The following PTPRD variants were observed in gnomAD, a reference collection of about 807,000 sequenced individuals.
PTPRD encodes receptor-type tyrosine-protein phosphatase delta.
In PTPRD, 34 loss-of-function variants were observed where a neutral mutation model predicts 214.5. That is an observed-to-expected ratio of 0.16 (90% confidence interval 0.12 to 0.21). The LOEUF is 0.21. Among genes scored for constraint, PTPRD ranks in the 10% least tolerant of loss-of-function variants. The probability of loss-of-function intolerance (pLI) is 1.00; values close to 1 mark genes in which losing one functional copy is unlikely to be tolerated. For missense variants in PTPRD, 2,545 were observed against 2,398.7 expected, an observed-to-expected ratio of 1.06 and a Z score of -1.27; for synonymous variants, 1,128 against 845.7, an observed-to-expected ratio of 1.33 and a Z score of -5.79.
chr9:8,536,210 A>C (rs1056692890), intron 14 of PTPRD, among the ~76,000 whole-genome samples: 6 of 151,936 alleles, frequency 3.9e-5, no homozygotes, highest in Non-Finnish European at 8.8e-5. Flanking sequence ...GCTATTCTTC[A>C]AATAAATCTT....
intron 2 of PTPRD, among the ~76,000 whole-genome samples, chr9:10,570,386 T>C (rs891845732): frequency 6.6e-6 from 1 of 152,150 alleles, no homozygotes; most frequent in Non-Finnish European, 1.5e-5. Flanking sequence ...CAAACAAGAT[T>C]AGACATATCA....
At chr9:8,718,441 T>C (rs902900608) in intron 12 of PTPRD, among the ~76,000 whole-genome samples, 1 of 152,192 alleles carries the variant, frequency 6.6e-6, no homozygotes, top group African/African-American at 2.4e-5. Context: ...TGCTAAATAG[T>C]CTTTTTATAA....
intron 11 of PTPRD, among the ~76,000 whole-genome samples, chr9:9,015,083 T>G (rs1229196391): frequency 3.3e-5 from 5 of 152,218 alleles, no homozygotes; most frequent in Non-Finnish European, 7.4e-5. Context: ...ATAAGCCAGG[T>G]TTATTTTAAC....
At chr9:9,199,245 G>A (rs542538820) in intron 9 of PTPRD, among the ~76,000 whole-genome samples, 11 of 152,140 alleles carry the variant, frequency 7.2e-5, no homozygotes, top group Middle Eastern at 3.2e-3. Context: ...TATACTATTC[G>A]TGTATTATTG....
In PTPRD at chr9:10,233,085, G is replaced by A. The variant is rs1340199668; in HGVS notation, c.-545+107878C>T. On this transcript the variant is annotated intron_variant, in intron 3 of 45. Transcript: ENST00000381196. Reference sequence around the variant, plus strand: ...CTGTATTTAGTGAAATTTGTTGATGGTGTTGTGTATTAAATTACTGAAACC... The same window carrying A: ...CTGTATTTAGTGAAATTTGTTGATGATGTTGTGTATTAAATTACTGAAACC... 2.6e-5 allele frequency among the ~76,000 whole-genome samples: 4 copies of A among 151,984 alleles called. No individual in the cohort carries two copies. The South Asian group carries it at 6.2e-4, about 24-fold the overall frequency.
intron 3 of PTPRD, among the ~76,000 whole-genome samples, chr9:10,065,103 A>G (rs1159660395): frequency 7.2e-6 from 1 of 138,506 alleles, no homozygotes; most frequent in Non-Finnish European, 1.6e-5. Flanking sequence ...AAATTATCAA[A>G]TAAAATCTTC....
At chr9:10,299,689 G>A (rs542632717) in intron 3 of PTPRD, among the ~76,000 whole-genome samples, 1 of 152,256 alleles carries the variant, frequency 6.6e-6, no homozygotes, top group African/African-American at 2.4e-5. Context: ...TAGGCCTGGA[G>A]TCACTACAGG....
intron 11 of PTPRD, among the ~76,000 whole-genome samples, chr9:8,781,412 G>C (rs1441047298): frequency 1.3e-5 from 2 of 152,122 alleles, no homozygotes; most frequent in Non-Finnish European, 2.9e-5. Flanking sequence ...AAGGTAGTAA[G>C]GGAAAGAAGA....
intron 3 of PTPRD, among the ~76,000 whole-genome samples, chr9:10,142,303 A>G (rs2154268211): frequency 6.6e-6 from 1 of 151,582 alleles, no homozygotes; most frequent in Middle Eastern, 3.4e-3. Context: ...GAGCTTCTGC[A>G]CAGCAAAAGA....
At position 8,733,137 on chromosome 9, in the gene PTPRD, A is replaced by G. The variant is rs116987856; in HGVS notation, c.64+643T>C. On this transcript the variant is annotated intron_variant, in intron 12 of 45. Transcript: ENST00000381196. ...AGATGTGATCTTCTCATTAATTGTC[A>G]AGTTAATGGACCACAATAGCAGTTT... Among the ~76,000 whole-genome samples, 11 of 152,324 alleles carry G rather than the reference A, an allele frequency of 7.2e-5. No individual in the cohort carries two copies. The East Asian group carries it at 2.1e-3, about 29-fold the overall frequency.
intron 3 of PTPRD, among the ~76,000 whole-genome samples, chr9:10,250,164 T>C (rs919225164): frequency 9.9e-5 from 15 of 152,182 alleles, no homozygotes; most frequent in Non-Finnish European, 5.9e-5. Context: ...TGAACATTTA[T>C]TGTTTTAAAG....
chr9:8,662,502 T>A (rs540092430), intron 12 of PTPRD, among the ~76,000 whole-genome samples: 1 of 152,130 alleles, frequency 6.6e-6, no homozygotes, highest in African/African-American at 2.4e-5. Context: ...CCCACACCTG[T>A]TGTCTAATTG....
intron 9 of PTPRD, among the ~76,000 whole-genome samples, chr9:9,252,396 C>G (rs1024235740): frequency 2.6e-5 from 4 of 152,026 alleles, no homozygotes; most frequent in African/African-American, 9.7e-5. Flanking sequence ...GTTTATTGTA[C>G]TTTTCCTGGC....
At chr9:8,382,279 G>C (rs1047270317) in intron 37 of PTPRD, among the ~76,000 whole-genome samples, 1 of 152,140 alleles carries the variant, frequency 6.6e-6, no homozygotes, top group East Asian at 1.9e-4. Context: ...CCAAACATTG[G>C]ACCCTAAACA....
At position 8,341,203 on chromosome 9, in the gene PTPRD, G is replaced by T. The variant is rs749242026; in HGVS notation, c.5013C>A (p.Phe1671Leu). The T allele has an allele frequency of 6.2e-7, 1 of 1,612,246 alleles. No individual in the cohort carries two copies. Among genetic ancestry groups the T allele is most frequent in the South Asian group, 1.1e-5 (1 of 90,964 alleles). ...GCATAATATTAACAAGGCGATTTTT[G>T]AATTTATTACATGGAAGATTGGCAC... ...FISANLPCNK[F>L]KNRLVNIMPY... The change falls in exon 41 of 46, where the codon TTC becomes TTA. Residue 1671 changes from phenylalanine to leucine, a missense_variant. Transcript: ENST00000381196.
chr9:8,494,305 G>T (rs1003280530), intron 26 of PTPRD, among the ~76,000 whole-genome samples: 2 of 152,058 alleles, frequency 1.3e-5, no homozygotes, highest in African/African-American at 4.8e-5. Context: ...ATCTCACTGT[G>T]GAAATTCAAG....
intron 3 of PTPRD, among the ~76,000 whole-genome samples, chr9:10,317,687 T>G (rs2096467748): frequency 6.6e-6 from 1 of 152,030 alleles, no homozygotes; most frequent in African/African-American, 2.4e-5. Context: ...TGCAACCTAT[T>G]CATATAAATT....
chr9:10,011,554 C>G (rs1026981134), intron 4 of PTPRD, among the ~76,000 whole-genome samples: 5 of 151,878 alleles, frequency 3.3e-5, no homozygotes, highest in African/African-American at 1.2e-4. Context: ...AGACTAGCAT[C>G]AAAACATAAT....
At chr9:9,208,199 C>A (rs1466402326) in intron 9 of PTPRD, among the ~76,000 whole-genome samples, 1 of 150,794 alleles carries the variant, frequency 6.6e-6, no homozygotes, top group Non-Finnish European at 1.5e-5. Flanking sequence ...TAGTTTTAGT[C>A]GAGACGGGGT....
Sources: gnomAD v4.1 joint callset for allele counts (sites outside exome capture counted in the v4.1 genomes callset) on GRCh38, gnomAD v4.1.1 for gene constraint, MANE v1.5 for transcripts, NCBI Gene and HGNC (gene_info 2026-07-23, HGNC 2026-07-21) for gene names.